The following SLIT3 variants were observed in gnomAD, a reference collection of about 807,000 sequenced individuals.
The protein encoded by SLIT3 is slit guidance ligand 3, also known as slit homolog 3 protein.
Under a neutral mutation model 184.0 loss-of-function variants are expected in SLIT3, and 68 were observed. The observed-to-expected ratio is 0.37, with a 90% CI of 0.30 to 0.45. The LOEUF is 0.45. Among genes scored for constraint, SLIT3 ranks in the 20% least tolerant of loss-of-function variants. The probability of loss-of-function intolerance (pLI) is 1.00; values close to 1 mark genes in which losing one functional copy is unlikely to be tolerated. For missense variants in SLIT3, 1,707 were observed against 2,026.0 expected (o/e 0.84, Z 3.02); for synonymous variants, 831 against 828.6 (o/e 1.00, Z -0.05).
chr5:169,287,096 G>C (rs566824741), intron 1 of SLIT3, among the ~76,000 whole-genome samples: 1 of 152,320 alleles, frequency 6.6e-6, no homozygotes, highest in South Asian at 2.1e-4. Flanking sequence ...AGAGCAGATT[G>C]GTTACCATCT....
At chr5:168,699,252 G>C (rs888294918) in intron 27 of SLIT3, among the ~76,000 whole-genome samples, 1 of 152,230 alleles carries the variant, frequency 6.6e-6, no homozygotes, top group Non-Finnish European at 1.5e-5. Context: ...CGGGTTCCCG[G>C]GGGAAGAGAA....
chr5:168,846,969 A>C (rs1032501018), intron 5 of SLIT3, among the ~76,000 whole-genome samples: 1 of 152,328 alleles, frequency 6.6e-6, no homozygotes, highest in Non-Finnish European at 1.5e-5. Flanking sequence ...GAGATAGCCA[A>C]AAGATTTTTT....
chr5:168,761,453 A>G (rs188502957), intron 15 of SLIT3, among the ~76,000 whole-genome samples: 129 of 152,200 alleles, frequency 8.5e-4, no homozygotes, highest in Non-Finnish European at 1.5e-3. Flanking sequence ...CAATAATAAT[A>G]ATAATGAAGA....
At chr5:168,983,922 C>CGCCTG (rs1755036256) in intron 4 of SLIT3, among the ~76,000 whole-genome samples, 1 of 152,040 alleles carries the variant, frequency 6.6e-6, no homozygotes, top group African/African-American at 2.4e-5. Context: ...GCCTGGCTCA[C>CGCCTG]GCCTGTAATC....
intron 4 of SLIT3, among the ~76,000 whole-genome samples, chr5:169,117,257 T>C (rs562583254): frequency 2.3e-4 from 35 of 152,216 alleles, no homozygotes; most frequent in African/African-American, 8.4e-4. Flanking sequence ...ACAATGGACT[T>C]ACAATCTATA....
At chr5:169,141,592 A>G (rs915324556) in intron 4 of SLIT3, among the ~76,000 whole-genome samples, 28 of 151,594 alleles carry the variant, frequency 1.8e-4, no homozygotes, top group Non-Finnish European at 3.5e-4. Context: ...ACAAAAAATT[A>G]GCCAGGCGTG....
In SLIT3 at chr5:168,665,264, T is replaced by C. The variant is rs186963543; in HGVS notation, c.*1190A>G. The C allele has an allele frequency of 6.6e-6, 1 of 152,334 alleles. No individual in the cohort carries two copies. Among genetic ancestry groups the C allele is most frequent in the East Asian group, 1.9e-4 (1 of 5,186 alleles). 9.4% of individuals were successfully genotyped at this position (152,334 alleles called of 1,614,324 possible). On this transcript the variant is annotated 3_prime_UTR_variant, in exon 36 of 36. Transcript: ENST00000519560. ...AAATAAGGTAAAGTTTGGATATGCA[T>C]TGGAAAGTGTCACAGATGGGCAAGG...
intron 4 of SLIT3, among the ~76,000 whole-genome samples, chr5:169,181,986 G>A (rs1299769554): frequency 1.3e-5 from 2 of 152,054 alleles, no homozygotes; most frequent in Non-Finnish European, 2.9e-5. Flanking sequence ...AAGCTGACTC[G>A]TTGACTAAAA....
intron 3 of SLIT3, among the ~76,000 whole-genome samples, chr5:169,217,861 A>C (rs573910425): frequency 2.0e-5 from 3 of 152,318 alleles, no homozygotes; most frequent in South Asian, 4.1e-4. Context: ...TCACTGGCTG[A>C]AACACACAGA....
At chr5:168,840,572 T>C (rs1301576715) in intron 6 of SLIT3, among the ~76,000 whole-genome samples, 2 of 152,158 alleles carry the variant, frequency 1.3e-5, no homozygotes, top group African/African-American at 2.4e-5. Context: ...ACCAGCACAG[T>C]GCATCCTGAC....
chr5:168,727,328 A>T (rs1044837868), intron 20 of SLIT3, among the ~76,000 whole-genome samples: 1 of 152,130 alleles, frequency 6.6e-6, no homozygotes, highest in Non-Finnish European at 1.5e-5. Context: ...TCAAAAAAAA[A>T]GAAAAAGAAA....
At chr5:168,738,408 C>T (rs1763504812) in intron 20 of SLIT3, among the ~76,000 whole-genome samples, 1 of 152,160 alleles carries the variant, frequency 6.6e-6, no homozygotes, top group Non-Finnish European at 1.5e-5. Flanking sequence ...AACTCTTGAG[C>T]ACACATTCCT....
chr5:168,815,308 C>T (rs953716795), intron 8 of SLIT3, among the ~76,000 whole-genome samples: 4 of 152,208 alleles, frequency 2.6e-5, no homozygotes, highest in East Asian at 1.9e-4. Flanking sequence ...CTGACTGCTG[C>T]TGGGTGAGCA....
chr5:168,805,480 T>G (rs1424685405), intron 9 of SLIT3, among the ~76,000 whole-genome samples: 2 of 152,108 alleles, frequency 1.3e-5, no homozygotes, highest in African/African-American at 4.8e-5. Context: ...TCAAGCCAAC[T>G]AAAGGTGAAG....
At chr5:168,952,698 C>T (rs2113248681) in intron 4 of SLIT3, among the ~76,000 whole-genome samples, 1 of 152,180 alleles carries the variant, frequency 6.6e-6, no homozygotes, top group Middle Eastern at 3.4e-3. Flanking sequence ...TGGACAAACC[C>T]ATGAATGGGC....
chr5:169,164,306 G>C (rs563084949), intron 4 of SLIT3, among the ~76,000 whole-genome samples: 83 of 152,196 alleles, frequency 5.5e-4, no homozygotes, highest in Non-Finnish European at 1.1e-3. Flanking sequence ...CTCGGAGAAA[G>C]CTTTCCTTCC....
At chr5:169,148,100 C>T (rs115085814) in intron 4 of SLIT3, among the ~76,000 whole-genome samples, 1 of 152,174 alleles carries the variant, frequency 6.6e-6, no homozygotes, top group Non-Finnish European at 1.5e-5. Context: ...AGGTTCCAAT[C>T]TCAGGTCCTC....
At chr5:168,668,252 G>A (rs979528882) in intron 35 of SLIT3, among the ~76,000 whole-genome samples, 21 of 152,162 alleles carry the variant, frequency 1.4e-4, no homozygotes, top group African/African-American at 4.3e-4. Context: ...GATGGAGGCT[G>A]TGGAGCAATG....
intron 4 of SLIT3, among the ~76,000 whole-genome samples, chr5:168,966,376 T>C (rs898243139): frequency 6.6e-6 from 1 of 151,894 alleles, no homozygotes; most frequent in African/African-American, 2.4e-5. Flanking sequence ...TGATTTTTTA[T>C]AAGAGAAAGG....
Sources: allele counts gnomAD v4.1 joint callset (sites outside exome capture counted in the v4.1 genomes callset), GRCh38; gene constraint gnomAD v4.1.1; transcripts MANE v1.5; gene names NCBI Gene and HGNC (gene_info 2026-07-23, HGNC 2026-07-21).